Variants in TASP1 observed in about 807,000 individuals in gnomAD.
TASP1 encodes threonine aspartase 1.
A neutral mutation model predicts 56.6 loss-of-function variants in TASP1; 16 were observed. The ratio of observed to expected loss-of-function variants is 0.28; its 90% CI spans 0.19 to 0.43. The LOEUF (loss-of-function observed/expected upper bound fraction) is 0.43, where lower values mean the gene tolerates loss of function less well. Among genes scored for constraint, TASP1 ranks in the 20% least tolerant of loss-of-function variants. The pLI is 1.00. For missense variants in TASP1, 393 were observed against 511.6 expected (o/e 0.77, Z 2.24); for synonymous variants, 179 against 184.2 (o/e 0.97, Z 0.23).
At chr20:13,414,192 C>CGTTT (rs1282446284) in intron 13 of TASP1, among the ~76,000 whole-genome samples, 2 of 152,040 alleles carry the variant, frequency 1.3e-5, no homozygotes, top group Non-Finnish European at 2.9e-5. Flanking sequence ...TTGAAGAACA[C>CGTTT]GTTTCTTTCT....
the TASP1 span, among the ~76,000 whole-genome samples, chr20:13,284,419 A>C: frequency 6.6e-6 from 1 of 152,222 alleles, no homozygotes. Context: ...CTGTCAAAGC[A>C]CCATATAGAT....
chr20:13,559,771 T>TC (rs1488280448), intron 7 of TASP1, among the ~76,000 whole-genome samples: 2 of 151,936 alleles, frequency 1.3e-5, no homozygotes, highest in Non-Finnish European at 2.9e-5. Flanking sequence ...ATGCAAATAC[T>TC]CCCCAGAAAA....
chr20:13,271,292 AG>A, the TASP1 span, among the ~76,000 whole-genome samples: 6 of 152,328 alleles, frequency 3.9e-5, no homozygotes, highest in Admixed American at 2.0e-4. Context: ...AAACAATAAG[AG>A]GAAGGAAGTT....
At chr20:13,338,112 G>T in the TASP1 span, among the ~76,000 whole-genome samples, 1 of 152,174 alleles carries the variant, frequency 6.6e-6, no homozygotes, top group Non-Finnish European at 1.5e-5. Flanking sequence ...CCTTAGGGTT[G>T]CTGGTTGGCT....
intron 13 of TASP1, among the ~76,000 whole-genome samples, chr20:13,390,740 ATAGTT>A (rs2041241157): frequency 6.6e-6 from 1 of 152,246 alleles, no homozygotes; most frequent in Non-Finnish European, 1.5e-5. Context: ...CACAGAATGT[ATAGTT>A]TAATTATATT....
the TASP1 span, among the ~76,000 whole-genome samples, chr20:13,305,324 G>A: frequency 6.6e-6 from 1 of 151,810 alleles, no homozygotes; most frequent in African/African-American, 2.4e-5. Flanking sequence ...TTTCCTTGCT[G>A]ACTACAGACC....
chr20:13,469,387 G>A (rs2044386232), intron 11 of TASP1, among the ~76,000 whole-genome samples: 1 of 152,244 alleles, frequency 6.6e-6, no homozygotes, highest in East Asian at 1.9e-4. Context: ...GCCACAGGGA[G>A]AAAACCAACT....
the TASP1 span, among the ~76,000 whole-genome samples, chr20:13,239,946 A>G: frequency 1.3e-5 from 2 of 152,234 alleles, no homozygotes; most frequent in African/African-American, 4.8e-5. Context: ...AAAGAGAATT[A>G]GAGTAAGTGT....
chr20:13,488,987 C>T (rs78252859), intron 10 of TASP1, among the ~76,000 whole-genome samples: 1 of 152,142 alleles, frequency 6.6e-6, no homozygotes, highest in African/African-American at 2.4e-5. Flanking sequence ...TGGCAAAAGC[C>T]CACCCTGGAG....
At chr20:13,150,330 TG>T in the TASP1 span, among the ~76,000 whole-genome samples, 111 of 152,232 alleles carry the variant, frequency 7.3e-4, no homozygotes, top group African/African-American at 6.0e-4. Flanking sequence ...AAATTCCTTT[TG>T]TTTTTTTAGC....
intron 12 of TASP1, among the ~76,000 whole-genome samples, chr20:13,429,262 C>T (rs1333334731): frequency 6.6e-6 from 1 of 152,104 alleles, no homozygotes; most frequent in African/African-American, 2.4e-5. Flanking sequence ...CCAGAGGATT[C>T]GAAGAAGATT....
At chr20:13,203,247 T>A in the TASP1 span, among the ~76,000 whole-genome samples, 1 of 152,354 alleles carries the variant, frequency 6.6e-6, no homozygotes, top group Admixed American at 6.5e-5. Context: ...AACAGCTTTA[T>A]AAGGAGCTAG....
At chr20:13,399,155 C>A (rs1032631009) in intron 13 of TASP1, among the ~76,000 whole-genome samples, 1 of 152,152 alleles carries the variant, frequency 6.6e-6, no homozygotes, top group Admixed American at 6.5e-5. Flanking sequence ...CTCCTCTGAC[C>A]TCTATGATTA....
chr20:13,213,103 T>A, the TASP1 span, among the ~76,000 whole-genome samples: 2 of 152,216 alleles, frequency 1.3e-5, no homozygotes, highest in African/African-American at 4.8e-5. Context: ...CACTTCTAAA[T>A]GCAAATTAAT....
chr20:13,246,485 C>T, the TASP1 span, among the ~76,000 whole-genome samples: 1 of 152,130 alleles, frequency 6.6e-6, no homozygotes, highest in African/African-American at 2.4e-5. Flanking sequence ...TCTGTTATAC[C>T]CATGGCATGC....
At chr20:13,403,797 T>A (rs1468495686) in intron 13 of TASP1, among the ~76,000 whole-genome samples, 1 of 152,044 alleles carries the variant, frequency 6.6e-6, no homozygotes, top group Non-Finnish European at 1.5e-5. Flanking sequence ...CTGGAGGATC[T>A]CTTGAACCCA....
chr20:13,122,062 C>A, the TASP1 span, among the ~76,000 whole-genome samples: 2 of 152,192 alleles, frequency 1.3e-5, no homozygotes, highest in Non-Finnish European at 2.9e-5. Flanking sequence ...CTACACTTGT[C>A]CCTGAGAATG....
chr20:13,448,123 T>C (rs6042114), intron 11 of TASP1, among the ~76,000 whole-genome samples: 2,547 of 152,266 alleles, frequency 0.017, 74 homozygotes, highest in African/African-American at 0.056. Context: ...ATTTTAGAAC[T>C]TCAGTTCTTC....
intron 13 of TASP1, among the ~76,000 whole-genome samples, chr20:13,411,113 G>A (rs980210633): frequency 6.6e-6 from 1 of 152,066 alleles, no homozygotes; most frequent in Non-Finnish European, 1.5e-5. Context: ...CGTTCTTAGA[G>A]CCTTTGTGAA....
Sources: gnomAD v4.1 joint callset for allele counts (sites outside exome capture counted in the v4.1 genomes callset) on GRCh38, gnomAD v4.1.1 for gene constraint, MANE v1.5 for transcripts, NCBI Gene and HGNC (gene_info 2026-07-23, HGNC 2026-07-21) for gene names.